The following SPOCK3 variants were observed in gnomAD, a reference collection of about 807,000 sequenced individuals.
The protein encoded by SPOCK3 is SPARC (osteonectin), cwcv and kazal like domains proteoglycan 3, also known as testican-3.
SPOCK3 carries 30 observed loss-of-function variants against 56.6 expected under a neutral mutation model. The observed-to-expected ratio is 0.53, with a 90% confidence interval of 0.40 to 0.72. The LOEUF is 0.72. Ranked by LOEUF, SPOCK3 falls within the 30% of genes least tolerant of loss-of-function variation. SPOCK3 has a pLI of 0.00. For synonymous variants in SPOCK3, 196 were observed against 183.3 expected (o/e 1.07, Z -0.56); for missense variants, 527 against 530.0 (o/e 0.99, Z 0.06).
intron 2 of SPOCK3, among the ~76,000 whole-genome samples, chr4:167,218,227 T>C (rs539926015): frequency 1.3e-5 from 2 of 152,192 alleles, no homozygotes; most frequent in South Asian, 4.1e-4. Context: ...AGCTAAAAAA[T>C]AATCGTGTGT....
At chr4:166,835,025 C>A (rs1407509427) in intron 6 of SPOCK3, among the ~76,000 whole-genome samples, 2 of 151,958 alleles carry the variant, frequency 1.3e-5, no homozygotes, top group Non-Finnish European at 2.9e-5. Context: ...ATGTAAAAAT[C>A]TGAATTTGCA....
At chr4:166,781,752 G>C (rs756731793) in intron 7 of SPOCK3, among the ~76,000 whole-genome samples, 3 of 151,940 alleles carry the variant, frequency 2.0e-5, no homozygotes, top group Non-Finnish European at 4.4e-5. Context: ...ACTGTTTAAA[G>C]AGTGATGAGG....
chr4:166,817,087 A>G (rs1025180400), intron 6 of SPOCK3, among the ~76,000 whole-genome samples: 2 of 152,044 alleles, frequency 1.3e-5, no homozygotes, highest in African/African-American at 2.4e-5. Flanking sequence ...TATTACCCAC[A>G]GCGACAGGAG....
chr4:167,022,736 G>A (rs189926898), intron 3 of SPOCK3, among the ~76,000 whole-genome samples: 7 of 152,090 alleles, frequency 4.6e-5, no homozygotes, highest in African/African-American at 1.7e-4. Context: ...TGCTGTATGT[G>A]GGAGGCAACA....
intron 8 of SPOCK3, among the ~76,000 whole-genome samples, chr4:166,747,463 T>C (rs951657800): frequency 6.6e-6 from 1 of 152,142 alleles, no homozygotes; most frequent in African/African-American, 2.4e-5. Flanking sequence ...CTCAATAAAC[T>C]AGCTATTGAT....
chr4:167,010,145 A>G (rs574485211), intron 3 of SPOCK3, among the ~76,000 whole-genome samples: 74 of 152,284 alleles, frequency 4.9e-4, no homozygotes, highest in African/African-American at 1.6e-3. Context: ...ACCACAGACT[A>G]AGAGTGAATT....
chr4:166,760,831 A>G (rs372862465), intron 7 of SPOCK3, among the ~76,000 whole-genome samples: 4 of 39,170 alleles, frequency 1.0e-4, no homozygotes, highest in African/African-American at 4.9e-4. Flanking sequence ...GGACATAGGC[A>G]TGGGCAAGGA....
chr4:166,766,723 T>C (rs1383204230), intron 7 of SPOCK3, among the ~76,000 whole-genome samples: 3 of 152,112 alleles, frequency 2.0e-5, no homozygotes, highest in African/African-American at 7.2e-5. Context: ...AGGGAGGATA[T>C]CCTCTTTTTC....
Position 166,842,166 on chromosome 4 carries a change from G to A in SPOCK3, c.589+46964C>T, listed in dbSNP as rs548338990. On this transcript the variant is annotated intron_variant, in intron 6 of 10. Transcript: ENST00000357545. ...CTCATAGAGGCAGTGCGGACCCAAA[G>A]AGTGAGCAGCAGCAAGATTTATTGC... Among the ~76,000 whole-genome samples the A allele has an allele frequency of 1.5e-4, 23 of 152,332 alleles. 1 individual carries two copies. In the East Asian group the frequency reaches 2.9e-3, roughly 19 times the overall value.
chr4:167,055,882 C>A (rs1754770650), intron 3 of SPOCK3, among the ~76,000 whole-genome samples: 1 of 152,188 alleles, frequency 6.6e-6, no homozygotes, highest in African/African-American at 2.4e-5. Flanking sequence ...AGGGCACAGA[C>A]AAACAAAAAG....
chr4:167,086,596 G>C (rs1758221863), intron 2 of SPOCK3, among the ~76,000 whole-genome samples: 1 of 152,084 alleles, frequency 6.6e-6, no homozygotes. Context: ...TGGGAATAAT[G>C]ATAATGTTTA....
intron 3 of SPOCK3, among the ~76,000 whole-genome samples, chr4:167,042,207 A>G (rs1338654036): frequency 6.6e-6 from 1 of 152,148 alleles, no homozygotes; most frequent in Non-Finnish European, 1.5e-5. Flanking sequence ...TCCTTTAGTC[A>G]GGCCTCCTTA....
rs530141644 is a variant in SPOCK3 at position 167,165,950 on chromosome 4, C to A, written c.189+68035G>T. Among the ~76,000 whole-genome samples the A allele has an allele frequency of 4.6e-5, 7 of 151,926 alleles. No homozygotes were observed. The South Asian group carries it at 8.3e-4, about 18-fold the overall frequency. On this transcript the variant is annotated intron_variant, in intron 2 of 10. Coordinates refer to ENST00000357545, the MANE Select transcript of SPOCK3 (RefSeq NM_001040159.2). ...TCTTTATTCTTAAAAAAAAGAAAATCTTTATTTATGAAACTGACTTATGAA... is the reference window on the plus strand; with the variant it reads ...TCTTTATTCTTAAAAAAAAGAAAATATTTATTTATGAAACTGACTTATGAA...
chr4:166,745,069 AT>A (rs1735404825), intron 8 of SPOCK3, among the ~76,000 whole-genome samples: 1 of 152,232 alleles, frequency 6.6e-6, no homozygotes, highest in Admixed American at 6.5e-5. Context: ...ACTCTGCACG[AT>A]ATTAACCAGG....
intron 2 of SPOCK3, among the ~76,000 whole-genome samples, chr4:167,070,616 T>TA (rs1756578692): frequency 6.6e-6 from 1 of 151,954 alleles, no homozygotes; most frequent in Admixed American, 6.6e-5. Context: ...AAGGTATTGC[T>TA]AGTTCTAAAG....
chr4:167,071,486 C>T (rs1381194023), intron 2 of SPOCK3, among the ~76,000 whole-genome samples: 16 of 151,464 alleles, frequency 1.1e-4, no homozygotes, highest in Admixed American at 6.6e-4. Context: ...TGAGAACATG[C>T]GGTGCTTGGT....
At chr4:167,005,324 C>T (rs544809503) in intron 3 of SPOCK3, among the ~76,000 whole-genome samples, 2 of 152,118 alleles carry the variant, frequency 1.3e-5, no homozygotes, top group Admixed American at 6.5e-5. Flanking sequence ...ATTCTCCTGC[C>T]TCAGCCTTCC....
intron 2 of SPOCK3, among the ~76,000 whole-genome samples, chr4:167,137,197 C>T (rs1394954942): frequency 6.6e-6 from 1 of 151,964 alleles, no homozygotes; most frequent in Non-Finnish European, 1.5e-5. Flanking sequence ...ATTGCATCAC[C>T]TCTGAAATAT....
At chr4:166,947,174 T>C (rs1227437682) in intron 4 of SPOCK3, among the ~76,000 whole-genome samples, 1 of 152,182 alleles carries the variant, frequency 6.6e-6, no homozygotes, top group Non-Finnish European at 1.5e-5. Context: ...TTTCATCTCC[T>C]ATTACTTTGC....
Sources: allele counts gnomAD v4.1 joint callset (sites outside exome capture counted in the v4.1 genomes callset), GRCh38; gene constraint gnomAD v4.1.1; transcripts MANE v1.5; gene names NCBI Gene and HGNC (gene_info 2026-07-23, HGNC 2026-07-21).